The following ALMS1 variants were observed in gnomAD, a reference collection of about 807,000 sequenced individuals.
ALMS1 encodes the protein centrosome-associated protein ALMS1.
ALMS1 carries 271 observed loss-of-function variants against 352.2 expected under a neutral mutation model. The observed-to-expected ratio is 0.77, with a 90% CI of 0.70 to 0.85. The LOEUF (loss-of-function observed/expected upper bound fraction) is 0.85, where lower values mean the gene tolerates loss of function less well. ALMS1 is among the 40% of genes least tolerant of loss of function. ALMS1 has a pLI of 0.00. For synonymous variants in ALMS1, 1,865 were observed against 1,761.2 expected (o/e 1.06, Z -1.48); for missense variants, 5,445 against 4,870.7 (o/e 1.12, Z -3.51).
intron 9 of ALMS1, among the ~76,000 whole-genome samples, chr2:73,482,516 C>G (rs1361702957): frequency 6.6e-6 from 1 of 152,168 alleles, no homozygotes; most frequent in Non-Finnish European, 1.5e-5. Context: ...CAATGTTCAT[C>G]AAGGATATTG....
intron 9 of ALMS1, among the ~76,000 whole-genome samples, chr2:73,465,159 A>T (rs1672303704): frequency 6.6e-6 from 1 of 151,122 alleles, no homozygotes; most frequent in African/African-American, 2.5e-5. Flanking sequence ...TATGGAACCA[A>T]AAAAGAGCCT....
rs1338132238 is a variant in ALMS1, at chr2:73,490,647, A to G, written c.8688A>G (p.Ala2896=). The G allele has an allele frequency of 1.5e-5, 24 of 1,614,100 alleles. No individual in the cohort carries two copies. Among genetic ancestry groups the G allele is most frequent in the Middle Eastern group, 1.6e-4 (1 of 6,084 alleles). The change falls in exon 10 of 23, where the codon GCA becomes GCG. Residue 2896 remains alanine (A), a synonymous_variant. Transcript: ENST00000613296. ...TTGAACAAAGCAAAGCCCCACGTGC[A>G]GATGACCATGTGAGGAAACACCATT... ...ELFEQSKAPR[A]DDHVRKHHSP...
intron 16 of ALMS1, among the ~76,000 whole-genome samples, chr2:73,590,869 C>T (rs946887780): frequency 7.9e-5 from 12 of 151,786 alleles, no homozygotes; most frequent in Non-Finnish European, 1.8e-4. Context: ...TTAGTAGAGA[C>T]GGGGTTTCAC....
At chr2:73,540,579 A>C (rs1674152257) in intron 12 of ALMS1, among the ~76,000 whole-genome samples, 1 of 152,240 alleles carries the variant, frequency 6.6e-6, no homozygotes, top group Non-Finnish European at 1.5e-5. Context: ...ACAGACTGGC[A>C]AATTGGATAA....
chr2:73,591,859 A>G (rs758159650), intron 16 of ALMS1, among the ~76,000 whole-genome samples: 80 of 152,328 alleles, frequency 5.3e-4, no homozygotes, highest in Admixed American at 1.7e-3. Context: ...GTCTCGCTCT[A>G]TCACCCTCTA....
chr2:73,421,568 C>G (rs1488183123), intron 3 of ALMS1, among the ~76,000 whole-genome samples: 3 of 152,056 alleles, frequency 2.0e-5, no homozygotes, highest in Admixed American at 2.0e-4. Context: ...TTAATTCATT[C>G]AGTAAATAAA....
At chr2:73,392,216 TAAG>T (rs1257606463) in intron 1 of ALMS1, among the ~76,000 whole-genome samples, 1 of 151,748 alleles carries the variant, frequency 6.6e-6, no homozygotes, top group East Asian at 1.9e-4. Flanking sequence ...ATTTTAATAA[TAAG>T]TTCAGTTTTC....
intron 16 of ALMS1, among the ~76,000 whole-genome samples, chr2:73,595,924 C>T (rs552577668): frequency 2.2e-4 from 34 of 152,334 alleles, no homozygotes; most frequent in African/African-American, 7.2e-4. Flanking sequence ...GCCACTCTTA[C>T]ATCTTCTTTG....
rs756748918 is a variant in ALMS1, at chr2:73,450,041, T to A, written c.3514T>A (p.Ser1172Thr). Residue 1172 changes from serine to threonine, a missense_variant, in exon 8 of 23, where the codon TCA becomes ACA. Physicochemically the swap from Ser to Thr is moderately conservative, Grantham distance 58. Transcript: ENST00000613296. ...TATACCTGAAGAGGCTCAGAAAGTT[T>A]CAGCTGTTACTGGACCAGGTAACCA... The part of the protein sequence containing the change: ...THIPEEAQKV[S>T]AVTGPGNQKT... The A allele has an allele frequency of 5.0e-6, 8 of 1,613,792 alleles. No homozygotes were observed. The African/African-American group carries it at 1.1e-4, about 22-fold the overall frequency.
chr2:73,470,351 T>A (rs980991319), intron 9 of ALMS1: 2 of 151,794 alleles, frequency 1.3e-5, no homozygotes, highest in African/African-American at 4.8e-5. Context: ...TTAGTCCTGA[T>A]TTTGCTTCAT....
intron 10 of ALMS1, among the ~76,000 whole-genome samples, chr2:73,512,028 C>T (rs1426965480): frequency 6.6e-6 from 1 of 152,046 alleles, no homozygotes; most frequent in East Asian, 1.9e-4. Context: ...GATCAAGTTC[C>T]TCCACATCCT....
At chr2:73,482,931 T>C (rs549357316) in intron 9 of ALMS1, among the ~76,000 whole-genome samples, 3,205 of 132,890 alleles carry the variant, frequency 0.024, no homozygotes, top group Admixed American at 0.04. Context: ...GATATCCCCT[T>C]TATCATTTTT....
intron 12 of ALMS1, among the ~76,000 whole-genome samples, chr2:73,550,052 G>C (rs1343088306): frequency 6.6e-6 from 1 of 152,108 alleles, no homozygotes; most frequent in Non-Finnish European, 1.5e-5. Context: ...TAGAAATGGG[G>C]TTTCACCATC....
chr2:73,600,476 AC>A (rs1233561693), intron 17 of ALMS1, among the ~76,000 whole-genome samples: 1 of 151,690 alleles, frequency 6.6e-6, no homozygotes, highest in East Asian at 1.9e-4. Flanking sequence ...TACAAATAAA[AC>A]CCTTTCTTTT....
intron 21 of ALMS1, 171 bp downstream of exon 21, chr2:73,603,475 T>C: frequency 1.5e-6 from 1 of 646,740 alleles, no homozygotes; most frequent in Non-Finnish European, 2.8e-6. Context: ...AAGCACATCA[T>C]GGTATGAATG....
At chr2:73,414,234 C>A (rs1336067058) in intron 2 of ALMS1, among the ~76,000 whole-genome samples, 1 of 151,982 alleles carries the variant, frequency 6.6e-6, no homozygotes, top group South Asian at 2.1e-4. Flanking sequence ...GCCAATCTTA[C>A]ACGTTTTGTT....
chr2:73,419,014 C>T (rs554473453), intron 2 of ALMS1, 109 bp from the exon 3 acceptor site: 29 of 905,564 alleles, frequency 3.2e-5, no homozygotes, highest in Non-Finnish European at 4.7e-5. Context: ...ATGAGAATGT[C>T]ATTAAATAGG....
intron 9 of ALMS1, among the ~76,000 whole-genome samples, chr2:73,472,730 C>T (rs921572702): frequency 1.3e-5 from 2 of 152,026 alleles, no homozygotes; most frequent in African/African-American, 4.8e-5. Flanking sequence ...GCAGCTTATA[C>T]TCATGGTGCA....
At chr2:73,426,429 T>C (rs747730789) in intron 5 of ALMS1, 24 bp from the exon 6 acceptor site, 1 of 1,611,406 alleles carries the variant, frequency 6.2e-7, no homozygotes, top group South Asian at 1.1e-5. Context: ...CATACAATTA[T>C]GCAAAATGAC....
Sources: allele counts gnomAD v4.1 joint callset (sites outside exome capture counted in the v4.1 genomes callset), GRCh38; gene constraint gnomAD v4.1.1; transcripts MANE v1.5; gene names NCBI Gene and HGNC (gene_info 2026-07-23, HGNC 2026-07-21).